Variants in DENND1A observed in about 807,000 individuals in gnomAD.
The protein encoded by DENND1A is DENN domain containing 1A, also known as DENN domain-containing protein 1A.
Under a neutral mutation model 113.7 loss-of-function variants are expected in DENND1A, and 51 were observed. The observed-to-expected ratio is 0.45, with a 90% CI of 0.36 to 0.57. DENND1A has a LOEUF of 0.57. Among genes scored for constraint, DENND1A ranks in the 20% least tolerant of loss-of-function variants. DENND1A has a pLI of 0.00. For missense variants in DENND1A, 1,258 were observed against 1,395.9 expected (o/e 0.90, Z 1.57); for synonymous variants, 565 against 570.8 (o/e 0.99, Z 0.14).
At chr9:123,518,581 G>A (rs2054129130) in intron 13 of DENND1A, among the ~76,000 whole-genome samples, 2 of 152,154 alleles carry the variant, frequency 1.3e-5, no homozygotes. Context: ...TATTTGCAAA[G>A]GGGATATAAT....
At chr9:123,523,945 A>G (rs2054598322) in intron 13 of DENND1A, among the ~76,000 whole-genome samples, 1 of 152,174 alleles carries the variant, frequency 6.6e-6, no homozygotes, top group Non-Finnish European at 1.5e-5. Context: ...GAATCTCTCT[A>G]ACAATTAAGG....
chr9:123,412,394 G>T (rs1388513591), intron 19 of DENND1A, among the ~76,000 whole-genome samples: 1 of 152,194 alleles, frequency 6.6e-6, no homozygotes, highest in Non-Finnish European at 1.5e-5. Flanking sequence ...AGCTCTGTCG[G>T]CTCGGATGCT....
chr9:123,861,910 CT>C (rs1318867770), intron 2 of DENND1A, among the ~76,000 whole-genome samples: 1 of 152,094 alleles, frequency 6.6e-6, no homozygotes, highest in African/African-American at 2.4e-5. Context: ...CTTACAGACA[CT>C]TTTTTTAAAT....
chr9:123,716,351 T>C (rs1354623667), intron 5 of DENND1A, among the ~76,000 whole-genome samples: 1 of 152,162 alleles, frequency 6.6e-6, no homozygotes, highest in South Asian at 2.1e-4. Flanking sequence ...AAAGTTCCCA[T>C]ATAGTAACAG....
At chr9:123,775,019 A>G (rs1459693110) in intron 3 of DENND1A, among the ~76,000 whole-genome samples, 1 of 152,184 alleles carries the variant, frequency 6.6e-6, no homozygotes, top group African/African-American at 2.4e-5. Flanking sequence ...AATTAACTTT[A>G]TCCTTTTGCA....
intron 2 of DENND1A, among the ~76,000 whole-genome samples, chr9:123,849,788 A>T (rs574859822): frequency 2.6e-5 from 4 of 152,248 alleles, no homozygotes; most frequent in Non-Finnish European, 5.9e-5. Flanking sequence ...GGAGGTCAAA[A>T]TACCAACATT....
intron 10 of DENND1A, among the ~76,000 whole-genome samples, chr9:123,625,679 G>A (rs1326785286): frequency 6.6e-6 from 1 of 152,204 alleles, no homozygotes; most frequent in Non-Finnish European, 1.5e-5. Context: ...AGGAGGCTGA[G>A]GTTGCAGTGA....
At chr9:123,758,836 C>A (rs1406278516) in intron 4 of DENND1A, among the ~76,000 whole-genome samples, 1 of 152,184 alleles carries the variant, frequency 6.6e-6, no homozygotes, top group East Asian at 1.9e-4. Flanking sequence ...TAGTCTCGCT[C>A]TGTTGCCAGG....
At chr9:123,725,832 A>G (rs2067667383) in intron 5 of DENND1A, among the ~76,000 whole-genome samples, 1 of 152,242 alleles carries the variant, frequency 6.6e-6, no homozygotes, top group African/African-American at 2.4e-5. Flanking sequence ...AAATTATGCC[A>G]TGGAAATCTT....
At position 123,411,801 on chromosome 9, in the gene DENND1A, G is replaced by T. The variant is rs1368353039; in HGVS notation, c.1517C>A (p.Pro506His). The T allele has an allele frequency of 3.0e-6, 3 of 985,862 alleles. No individual in the cohort carries two copies. In the African/African-American group the frequency reaches 5.2e-5, roughly 17 times the overall value. 61.1% of individuals were successfully genotyped at this position (985,862 alleles called of 1,614,324 possible). Residue 506 changes from proline to histidine, a missense_variant, in exon 20 of 24, where the codon CCT becomes CAT. This residue lies in a region of DENND1A where 1,159 missense variants were observed against 1,231.7 expected (regional missense o/e 0.94). Coordinates refer to ENST00000394215, the MANE Select transcript of DENND1A (RefSeq NM_001352964.2). ...GGGCCTCGAGCGCTGTATCTTGGGA[G>T]GCGGTCGGGTGGGACGCAGTCTCTG... ...QLQRLRPTRP[P>H]PKIQRSRPVR...
intron 21 of DENND1A, among the ~76,000 whole-genome samples, chr9:123,395,955 G>C (rs1223618799): frequency 1.3e-5 from 2 of 151,810 alleles, no homozygotes; most frequent in Non-Finnish European, 1.5e-5. Context: ...CTGAGGAAGA[G>C]CTCACAGACT....
intron 13 of DENND1A, among the ~76,000 whole-genome samples, chr9:123,501,470 G>T (rs1241702531): frequency 2.6e-5 from 4 of 152,122 alleles, no homozygotes; most frequent in Non-Finnish European, 5.9e-5. Context: ...ATTCCTTTGG[G>T]TATATATTCA....
intron 5 of DENND1A, among the ~76,000 whole-genome samples, chr9:123,706,959 A>T (rs999592078): frequency 6.6e-6 from 1 of 152,202 alleles, no homozygotes; most frequent in African/African-American, 2.4e-5. Context: ...CCTATCAGAT[A>T]GCCAAGAGAA....
rs193132478 is a variant in DENND1A at position 123,477,861 on chromosome 9, A to T, written c.994-19964T>A. 1.1e-3 allele frequency among the ~76,000 whole-genome samples: 175 copies of T among 152,246 alleles called. 2 individuals are homozygous for T. Among genetic ancestry groups the T allele is most frequent in the African/African-American group, 4.0e-3 (168 of 41,524 alleles). On this transcript the variant is annotated intron_variant, in intron 13 of 23. Transcript: ENST00000394215. ...TCGGGGACTGCCTCAGTTTCTCCCA[A>T]GGTTGTTAACTTCAAAGGCAAGGGT...
At chr9:123,580,021 G>C (rs546302219) in intron 12 of DENND1A, among the ~76,000 whole-genome samples, 79 of 152,296 alleles carry the variant, frequency 5.2e-4, no homozygotes, top group Admixed American at 1.8e-3. Context: ...GTTATTAACT[G>C]TCCTCCAATC....
intron 2 of DENND1A, among the ~76,000 whole-genome samples, chr9:123,804,629 C>T (rs750979969): frequency 6.6e-6 from 1 of 152,216 alleles, no homozygotes; most frequent in Non-Finnish European, 1.5e-5. Context: ...ACTGTCTACT[C>T]AACATCTCCA....
intron 5 of DENND1A, among the ~76,000 whole-genome samples, chr9:123,756,551 C>T (rs557042946): frequency 6.6e-6 from 1 of 152,328 alleles, no homozygotes; most frequent in Admixed American, 6.5e-5. Flanking sequence ...AGTCATCCTC[C>T]TGTGCCCAGG....
chr9:123,807,125 A>G (rs1341364646), intron 2 of DENND1A, among the ~76,000 whole-genome samples: 14 of 152,200 alleles, frequency 9.2e-5, no homozygotes, highest in Non-Finnish European at 1.9e-4. Context: ...AGCAGTTATC[A>G]TTTTTTAATG....
intron 1 of DENND1A, among the ~76,000 whole-genome samples, chr9:123,904,645 G>A (rs555049989): frequency 6.6e-6 from 1 of 150,514 alleles, no homozygotes; most frequent in African/African-American, 2.5e-5. Context: ...GAAGCGAGAA[G>A]GGAAGTTTAG....
Sources: gnomAD v4.1 joint callset for allele counts (sites outside exome capture counted in the v4.1 genomes callset) on GRCh38, gnomAD v4.1.1 for gene constraint, gnomAD v4.1.1 regional missense constraint, MANE v1.5 for transcripts, NCBI Gene and HGNC (gene_info 2026-07-23, HGNC 2026-07-21) for gene names.